The following PPHLN1 variants were observed in gnomAD, a reference collection of about 807,000 sequenced individuals.
The protein encoded by PPHLN1 is periphilin 1.
PPHLN1 carries 29 observed loss-of-function variants against 51.3 expected under a neutral mutation model. That is an observed-to-expected ratio of 0.57 (90% CI 0.42 to 0.77). PPHLN1 has a LOEUF of 0.77. Ranked by LOEUF, PPHLN1 falls within the 30% of genes least tolerant of loss-of-function variation. The probability of loss-of-function intolerance (pLI) is 0.00; values close to 1 mark genes in which losing one functional copy is unlikely to be tolerated. For missense variants in PPHLN1, 436 were observed against 438.4 expected (o/e 0.99, Z 0.05); for synonymous variants, 147 against 147.8 (o/e 0.99, Z 0.04).
In PPHLN1 at chr12:42,405,272, C is replaced by T. The variant is rs550602582; in HGVS notation, c.909+6278C>T. 1.5e-4 allele frequency among the ~76,000 whole-genome samples: 23 copies of T among 152,284 alleles called. No homozygotes were observed. The South Asian group carries it at 4.6e-3, about 30-fold the overall frequency. On this transcript the variant is annotated intron_variant, in intron 9 of 9. Transcript: ENST00000358314. ...CTCTCATTTTTAAGATGTGATCTGT[C>T]TTGAAACATCTGCTGTCCTCTCTTA...
In PPHLN1 at chr12:42,384,929, C is replaced by T. The variant is rs376583008; in HGVS notation, c.512-11C>T. 2.5e-6 allele frequency: 4 copies of T among 1,601,958 alleles called. No homozygotes were observed. The African/African-American group carries it at 5.4e-5, about 21-fold the overall frequency. On this transcript the variant is annotated splice_polypyrimidine_tract_variant and intron_variant, in intron 5 of 9. Coordinates refer to ENST00000358314, the MANE Select transcript of PPHLN1 (RefSeq NM_201439.2). ...GCTGCTGTTAATTCCTCCCTGCCCA[C>T]CTTTCCATAGAGTCCGTGCGTCCTG...
At chr12:42,335,266 A>G (rs1202449493) in intron 1 of PPHLN1, among the ~76,000 whole-genome samples, 1 of 152,116 alleles carries the variant, frequency 6.6e-6, no homozygotes, top group Non-Finnish European at 1.5e-5. Flanking sequence ...AGAACTTTTA[A>G]TTTCACATTT....
At chr12:42,441,183 C>T (rs767532939) in intron 9 of PPHLN1, 132 bp from the exon 10 acceptor site, 56 of 1,252,990 alleles carry the variant, frequency 4.5e-5, no homozygotes, top group South Asian at 2.3e-4. Flanking sequence ...AATGCAAGGG[C>T]GAGAAAGGTT....
At chr12:42,387,225 GGCC>G in intron 6 of PPHLN1, 1 of 346,816 alleles carries the variant, frequency 2.9e-6, no homozygotes, top group Non-Finnish European at 5.2e-6. Flanking sequence ...GCAGTGCTGT[GGCC>G]TAGACTGGCT....
In PPHLN1 at chr12:42,346,601, G is replaced by A. The variant is rs151160820; in HGVS notation, c.73-5284G>A. ...TGATTTCATCGCCTTTGGGTATACA[G>A]TATACCCAGAAGAGGGATTACTAGG... On this transcript the variant is annotated intron_variant, in intron 2 of 9. Transcript: ENST00000358314. Among the ~76,000 whole-genome samples, 112 of 152,290 alleles carry A rather than the reference G, an allele frequency of 7.4e-4. 1 individual carries two copies. The highest frequency in any genetic ancestry group is 2.5e-3 in the African/African-American group (105 of 41,568).
chr12:42,340,311 CAAAA>C (rs201722204), intron 2 of PPHLN1, among the ~76,000 whole-genome samples: 8 of 77,462 alleles, frequency 1.0e-4, no homozygotes, highest in South Asian at 7.7e-4. Context: ...GATCCTGTCT[CAAAA>C]AAAAAAAAAA....
chr12:42,417,900 A>G (rs2080546093), intron 9 of PPHLN1, among the ~76,000 whole-genome samples: 1 of 147,806 alleles, frequency 6.8e-6, no homozygotes, highest in Non-Finnish European at 1.5e-5. Flanking sequence ...AAGAGGGAAA[A>G]AAGAAAAAAA....
At chr12:42,410,258 T>C (rs1248686422) in intron 9 of PPHLN1, among the ~76,000 whole-genome samples, 3 of 152,094 alleles carry the variant, frequency 2.0e-5, no homozygotes, top group Non-Finnish European at 4.4e-5. Context: ...GAGTAAATAA[T>C]GTTAAATTGA....
chr12:42,405,371 A>G (rs974040818), intron 9 of PPHLN1, among the ~76,000 whole-genome samples: 1 of 152,214 alleles, frequency 6.6e-6, no homozygotes, highest in Admixed American at 6.5e-5. Context: ...AGTGCTGACT[A>G]CAATTACAGT....
At chr12:42,409,126 A>G (rs1431273229) in intron 9 of PPHLN1, among the ~76,000 whole-genome samples, 1 of 152,162 alleles carries the variant, frequency 6.6e-6, no homozygotes, top group Non-Finnish European at 1.5e-5. Flanking sequence ...TACTATAATC[A>G]CCTATTTTTG....
chr12:42,348,243 T>C lies in PPHLN1; in HGVS notation c.73-3642T>C, dbSNP rs528093254. Reference sequence around the variant, plus strand: ...CTCCTACCTCAGCCTCCTGAGTAGCTGGCACTACAGGCATGCACACCTCAC... The same window carrying C: ...CTCCTACCTCAGCCTCCTGAGTAGCCGGCACTACAGGCATGCACACCTCAC... On this transcript the variant is annotated intron_variant, in intron 2 of 9. Coordinates refer to ENST00000358314, the MANE Select transcript of PPHLN1 (RefSeq NM_201439.2). Among the ~76,000 whole-genome samples the C allele has an allele frequency of 1.9e-4, 29 of 150,266 alleles. 1 individual carries two copies. In the South Asian group the frequency reaches 5.5e-3, roughly 28 times the overall value.
intron 4 of PPHLN1, among the ~76,000 whole-genome samples, chr12:42,373,525 A>G (rs1592505249): frequency 6.6e-6 from 1 of 152,198 alleles, no homozygotes; most frequent in African/African-American, 2.4e-5. Flanking sequence ...TTTTCCAAGC[A>G]CTTGAAATTG....
intron 9 of PPHLN1, chr12:42,433,214 G>T (rs1462779451): frequency 1.3e-6 from 1 of 755,966 alleles, no homozygotes; most frequent in East Asian, 2.5e-5. Flanking sequence ...ATGGCTCTTG[G>T]TCATTTGCTC....
rs1307198334 is a variant in PPHLN1, at chr12:42,441,523, G to T, written c.*14G>T. On this transcript the variant is annotated 3_prime_UTR_variant, in exon 10 of 10. Coordinates refer to ENST00000358314, the MANE Select transcript of PPHLN1 (RefSeq NM_201439.2). ...GAGCCTTTTTAGATTTTTCTGCTCA[G>T]GCTAAAAAAAAAAAAAAACAGTTTC... 4 of 1,519,268 alleles carry T rather than the reference G, an allele frequency of 2.6e-6. No individual in the cohort carries two copies. The highest frequency in any genetic ancestry group is 1.3e-5 in the South Asian group (1 of 78,192). The allele number at this position is 1,519,268 out of a possible 1,614,324, so 94.1% of individuals were successfully genotyped here. A position where few individuals can be genotyped will look rare whatever the true frequency, so the allele number is the denominator to read the frequency against.
intron 4 of PPHLN1, among the ~76,000 whole-genome samples, chr12:42,360,458 C>CTTTTTTTTTTTTTTTTTTTTTTTT (rs71084642): frequency 5.3e-5 from 3 of 56,292 alleles, no homozygotes; most frequent in Admixed American, 2.6e-4. Flanking sequence ...ATGCTGAATT[C>CTTTTTTTTTTTTTTTTTTTTTTTT]TTTTTTTTTT....
intron 2 of PPHLN1, among the ~76,000 whole-genome samples, chr12:42,350,853 A>G (rs1262578557): frequency 6.6e-6 from 1 of 151,952 alleles, no homozygotes; most frequent in Non-Finnish European, 1.5e-5. Flanking sequence ...AATCCCAGGC[A>G]CTCGGCAGGC....
chr12:42,328,756 C>CACGATCA lies in PPHLN1; in HGVS notation c.-21+2527_-21+2528insACGATCA, dbSNP rs745689092. On this transcript the variant is annotated intron_variant, in intron 1 of 9. Coordinates refer to ENST00000358314, the MANE Select transcript of PPHLN1 (RefSeq NM_201439.2). ...ACGGTGTCTTGCTCTGTTGCCCAGG[C>CACGATCA]TGGAGTGCAGTGGCACGATCATGGC... is the stretch of plus-strand genomic sequence containing the variant. Among the ~76,000 whole-genome samples the CACGATCA allele has an allele frequency of 1.4e-3, 216 of 152,330 alleles. 1 individual carries two copies. Among genetic ancestry groups the CACGATCA allele is most frequent in the South Asian group, 7.2e-3 (35 of 4,830 alleles).
chr12:42,396,395 A>G lies in PPHLN1; in HGVS notation c.769-2459A>G, dbSNP rs113638251. Among the ~76,000 whole-genome samples, 565 of 152,186 alleles carry G rather than the reference A, an allele frequency of 3.7e-3. 4 individuals are homozygous for G. Among genetic ancestry groups the G allele is most frequent in the African/African-American group, 0.013 (531 of 41,516 alleles). ...TTGTGTCAGACATTGCTTTTGAGGT[A>G]CCATCCTAGCCATCAAGAAGGTTGC... On this transcript the variant is annotated intron_variant, in intron 8 of 9. Coordinates refer to ENST00000358314, the MANE Select transcript of PPHLN1 (RefSeq NM_201439.2).
At chr12:42,420,074 A>G (rs1421461051) in intron 9 of PPHLN1, among the ~76,000 whole-genome samples, 1 of 152,226 alleles carries the variant, frequency 6.6e-6, no homozygotes, top group East Asian at 1.9e-4. Flanking sequence ...TACAGAATGC[A>G]GCTGCTACAC....
Sources: allele counts gnomAD v4.1 joint callset (sites outside exome capture counted in the v4.1 genomes callset), GRCh38; gene constraint gnomAD v4.1.1; transcripts MANE v1.5; gene names NCBI Gene and HGNC (gene_info 2026-07-23, HGNC 2026-07-21).